WT1: variants seen among roughly 807,000 people sequenced by gnomAD.
WT1 encodes WT1 transcription factor.
WT1 carries 8 observed loss-of-function variants against 60.8 expected under a neutral mutation model. The ratio of observed to expected loss-of-function variants is 0.13; its 90% CI spans 0.08 to 0.24. The LOEUF is 0.24. Among genes scored for constraint, WT1 ranks in the 10% least tolerant of loss-of-function variants. WT1 has a pLI of 1.00. For missense variants in WT1, 568 were observed against 711.8 expected (o/e 0.80, Z 2.30); for synonymous variants, 312 against 297.1 (o/e 1.05, Z -0.52).
Position 32,397,608 on chromosome 11 carries a change from C to T in WT1, c.1114-1201G>A, listed in dbSNP as rs566671569. On this transcript the variant is annotated intron_variant, in intron 6 of 9. Coordinates refer to ENST00000452863, the MANE Select transcript of WT1 (RefSeq NM_024426.6). ...GTGCTGGGATTACAGGTGTGAGCCA[C>T]CATGCCTGGCCTAAAGTGCATCCAT... Among the ~76,000 whole-genome samples, 59 of 151,870 alleles carry T rather than the reference C, an allele frequency of 3.9e-4. 1 individual carries two copies. Among genetic ancestry groups the T allele is most frequent in the Non-Finnish European group, 7.2e-4 (49 of 67,964 alleles).
intron 7 of WT1, 127 bp from the exon 8 acceptor site, chr11:32,392,882 G>T: frequency 1.3e-6 from 1 of 785,866 alleles, no homozygotes; most frequent in Non-Finnish European, 2.1e-6. Flanking sequence ...GCTTGTTAGG[G>T]TAGGATGATC....
intron 5 of WT1, among the ~76,000 whole-genome samples, chr11:32,414,804 C>T (rs1852612579): frequency 6.7e-6 from 1 of 149,338 alleles, no homozygotes; most frequent in African/African-American, 2.5e-5. Context: ...ACCCAGGAGG[C>T]AGAGGTTCCA....
At chr11:32,404,932 T>C (rs1852264256) in intron 5 of WT1, among the ~76,000 whole-genome samples, 1 of 152,206 alleles carries the variant, frequency 6.6e-6, no homozygotes, top group South Asian at 2.1e-4. Context: ...TGGGTTTTTT[T>C]CCTACTTGAA....
intron 8 of WT1, among the ~76,000 whole-genome samples, chr11:32,392,438 T>C (rs955989096): frequency 6.6e-6 from 1 of 152,202 alleles, no homozygotes; most frequent in East Asian, 1.9e-4. Flanking sequence ...CCACTGCTAG[T>C]GGGATCTCAC....
rs1230773250 is a variant in WT1, at chr11:32,427,821, C to T, written c.887+135G>A. ...TTTCCTCTAAGTAGTAGAGTGGAGT[C>T]GAGGCGTCTCGTGCCTCCAAGACCC... On this transcript the variant is annotated intron_variant, in intron 3 of 9. Coordinates refer to ENST00000452863, the MANE Select transcript of WT1 (RefSeq NM_024426.6). The T allele has an allele frequency of 1.1e-5, 7 of 651,734 alleles. No homozygotes were observed. In the East Asian group the frequency reaches 1.9e-4, roughly 18 times the overall value. The allele number at this position is 651,734 out of a possible 1,614,324, so 40.4% of individuals were successfully genotyped here.
At chr11:32,416,596 GC>G (rs891561119) in intron 4 of WT1, 56 bp from the exon 5 acceptor site, 6 of 1,604,914 alleles carry the variant, frequency 3.7e-6, no homozygotes, top group Admixed American at 3.3e-5. Flanking sequence ...GATCTGGCAA[GC>G]CCCCCAGATC....
At chr11:32,413,703 G>A (rs966494449) in intron 5 of WT1, among the ~76,000 whole-genome samples, 1 of 152,240 alleles carries the variant, frequency 6.6e-6, no homozygotes, top group Non-Finnish European at 1.5e-5. Context: ...CATGTCATAA[G>A]AGTATTGCTC....
rs1853487347 is a variant in WT1, at chr11:32,435,404, G to T, written c.-44C>A. 1.3e-6 allele frequency: 2 copies of T among 1,481,964 alleles called. No individual in the cohort carries two copies. The highest frequency in any genetic ancestry group is 1.8e-6 in the Non-Finnish European group (2 of 1,115,252). 91.8% of individuals were successfully genotyped at this position (1,481,964 alleles called of 1,614,324 possible). ...GCGGGGCCCGGGCGCCTGGGCTGCCGTCCCGGCTCTGGGTGGGTGGGTGGG... is the reference window on the plus strand; with the variant it reads ...GCGGGGCCCGGGCGCCTGGGCTGCCTTCCCGGCTCTGGGTGGGTGGGTGGG... On this transcript the variant is annotated 5_prime_UTR_variant, in exon 1 of 10. Transcript: ENST00000452863.
chr11:32,398,527 A>G (rs904565603), intron 6 of WT1, among the ~76,000 whole-genome samples: 1 of 152,174 alleles, frequency 6.6e-6, no homozygotes, highest in Non-Finnish European at 1.5e-5. Flanking sequence ...TCTCCCTCCC[A>G]CAAACTGTTC....
At chr11:32,415,199 G>A (rs896750157) in intron 5 of WT1, among the ~76,000 whole-genome samples, 16 of 152,192 alleles carry the variant, frequency 1.1e-4, no homozygotes, top group African/African-American at 3.6e-4. Context: ...TTTTGAAACT[G>A]AAATGTACTG....
chr11:32,434,902 G>A lies in WT1; in HGVS notation c.459C>T (p.Gly153=), dbSNP rs1309250331. 3 of 1,610,722 alleles carry A rather than the reference G, an allele frequency of 1.9e-6. No individual in the cohort carries two copies. Among genetic ancestry groups the A allele is most frequent in the African/African-American group, 2.7e-5 (2 of 74,922 alleles). The change falls in exon 1 of 10, where the codon GGC becomes GGT. Residue 153 remains glycine, a synonymous_variant. Transcript: ENST00000452863. ...GGCACTGCTCCTCGTGCGGCTCCGC[G>A]CCGCCCCAGCTCGGCTCCTGTTTGA...
intron 1 of WT1, among the ~76,000 whole-genome samples, chr11:32,429,957 C>T (rs1235438334): frequency 6.9e-6 from 1 of 145,262 alleles, no homozygotes; most frequent in Non-Finnish European, 1.5e-5. Flanking sequence ...CTCATGCACA[C>T]ACACCACCAC....
chr11:32,414,415 G>C (rs888372016), intron 5 of WT1, among the ~76,000 whole-genome samples: 4 of 152,140 alleles, frequency 2.6e-5, no homozygotes, highest in Non-Finnish European at 5.9e-5. Context: ...TGGGGTTACA[G>C]GCATGTGCCA....
intron 7 of WT1, among the ~76,000 whole-genome samples, chr11:32,393,206 AAG>A (rs1241970563): frequency 6.6e-6 from 1 of 152,238 alleles, no homozygotes; most frequent in African/African-American, 2.4e-5. Flanking sequence ...CTCATGAAAT[AAG>A]AGTTTTATGT....
chr11:32,396,810 C>T (rs1047154906), intron 6 of WT1, among the ~76,000 whole-genome samples: 8 of 152,220 alleles, frequency 5.3e-5, no homozygotes, highest in African/African-American at 1.9e-4. Context: ...CACTTGGAGT[C>T]ATGACCACAT....
At chr11:32,416,921 A>G (rs1852692387) in intron 4 of WT1, among the ~76,000 whole-genome samples, 1 of 152,198 alleles carries the variant, frequency 6.6e-6, no homozygotes, top group South Asian at 2.1e-4. Flanking sequence ...GACACGCTGC[A>G]GGCACTTCAT....
chr11:32,430,693 TG>T (rs1201253472), intron 1 of WT1: 43 of 1,421,368 alleles, frequency 3.0e-5, no homozygotes, highest in Non-Finnish European at 3.8e-5. Flanking sequence ...GGCCCAAGGA[TG>T]CCCGTGGCCC....
rs2132897947 is a variant in WT1, at chr11:32,389,097, C to T, written c.1530G>A (p.Met510Ile). Reference sequence around the variant, plus strand: ...GGAGTTTGGTCATGTTTCTCTGATGCATGTTGTGATGGCGGACTAATTCAT... The same window carrying T: ...GGAGTTTGGTCATGTTTCTCTGATGTATGTTGTGATGGCGGACTAATTCAT... Residue 510 changes from methionine (M) to isoleucine (I), a missense_variant, in exon 10 of 10, where the codon ATG becomes ATA. Met to Ile is a conservative substitution (Grantham distance 10). Around this residue, in one of 3 missense-constraint regions of WT1, gnomAD observed 29 missense variants for 46.8 expected, o/e 0.62. Transcript: ENST00000452863. 6.2e-7 allele frequency: 1 copy of T among 1,614,248 alleles called. No individual in the cohort carries two copies. The highest frequency in any genetic ancestry group is 8.5e-7 in the Non-Finnish European group (1 of 1,180,042).
At chr11:32,425,406 A>C (rs953971321) in intron 3 of WT1, among the ~76,000 whole-genome samples, 21 of 152,206 alleles carry the variant, frequency 1.4e-4, no homozygotes, top group African/African-American at 4.8e-4. Context: ...TTAAGCAATT[A>C]AAGTTTAGTC....
Sources: allele counts gnomAD v4.1 joint callset (sites outside exome capture counted in the v4.1 genomes callset), GRCh38; gene constraint gnomAD v4.1.1; regional missense constraint gnomAD v4.1.1; transcripts MANE v1.5; gene names NCBI Gene and HGNC (gene_info 2026-07-23, HGNC 2026-07-21).